TBCK: variants seen among roughly 807,000 people sequenced by gnomAD.
TBCK encodes TBC domain-containing protein kinase-like protein.
Under a neutral mutation model 113.4 loss-of-function variants are expected in TBCK, and 99 were observed. The ratio of observed to expected loss-of-function variants is 0.87; its 90% CI spans 0.74 to 1.03. The LOEUF (loss-of-function observed/expected upper bound fraction) is 1.03, where lower values mean the gene tolerates loss of function less well. Ranked by LOEUF, TBCK falls within the 50% of genes least tolerant of loss-of-function variation. TBCK has a pLI of 0.00. For synonymous variants in TBCK, 369 were observed against 370.8 expected, an observed-to-expected ratio of 1.00 and a Z score of 0.05; for missense variants, 1,045 against 1,061.3, an observed-to-expected ratio of 0.98 and a Z score of 0.21.
At chr4:106,110,929 C>T (rs1350554519) in intron 24 of TBCK, among the ~76,000 whole-genome samples, 2 of 151,830 alleles carry the variant, frequency 1.3e-5, no homozygotes, top group African/African-American at 2.4e-5. Flanking sequence ...ATGGGGAGCT[C>T]TTAGCCTGCC....
intron 23 of TBCK, among the ~76,000 whole-genome samples, chr4:106,140,815 A>G (rs1431440061): frequency 7.2e-6 from 1 of 139,206 alleles, no homozygotes; most frequent in Non-Finnish European, 1.6e-5. Flanking sequence ...CTTTAAATAT[A>G]CCCTTGACTT....
At chr4:106,204,206 C>T (rs1420157382) in intron 20 of TBCK, among the ~76,000 whole-genome samples, 2 of 152,062 alleles carry the variant, frequency 1.3e-5, no homozygotes, top group Non-Finnish European at 2.9e-5. Context: ...TTATAATCTA[C>T]ATCAATGGTA....
chr4:106,077,037 GT>G (rs1480437144), intron 25 of TBCK, among the ~76,000 whole-genome samples: 1 of 152,122 alleles, frequency 6.6e-6, no homozygotes. Flanking sequence ...GGATGCAGAG[GT>G]TGCAGTGAGC....
In TBCK at chr4:106,230,364, T is replaced by C. The variant is rs752110714; in HGVS notation, c.1773A>G (p.Gln591=). 45 of 1,573,028 alleles carry C rather than the reference T, an allele frequency of 2.9e-5. No homozygotes were observed. Among genetic ancestry groups the C allele is most frequent in the East Asian group, 2.0e-4 (9 of 44,342 alleles). ...AAGACATGGAAGACATTTGCTTACCTTGTATTACATGTGAGTTGTCTTTTA... is the reference window on the plus strand; with the variant it reads ...AAGACATGGAAGACATTTGCTTACCCTGTATTACATGTGAGTTGTCTTTTA... ...FFLKDNSHVI[Q]EYLTVFSQMI... Residue 591 remains glutamine, a splice_region_variant and synonymous_variant, in exon 19 of 26, where the codon CAA becomes CAG. Coordinates refer to ENST00000394708, the MANE Select transcript of TBCK (RefSeq NM_001163435.3).
Position 106,308,990 on chromosome 4 carries a change from C to A in TBCK, c.-29-1G>T. ...GGAGTCCTAGGTCTTCTAAGATAAT[C>A]TGGAAAAGGAGAGAATTTTAGGACA... is the stretch of plus-strand genomic sequence containing the variant. On this transcript the variant is annotated splice_acceptor_variant, in intron 1 of 25. Transcript: ENST00000394708. LOFTEE classifies it low-confidence loss of function (5UTR_SPLICE). 6.3e-7 allele frequency: 1 copy of A among 1,583,908 alleles called. No individual in the cohort carries two copies. Among genetic ancestry groups the A allele is most frequent in the Non-Finnish European group, 8.6e-7 (1 of 1,164,350 alleles).
At chr4:106,312,805 T>C (rs898995683) in intron 1 of TBCK, among the ~76,000 whole-genome samples, 7 of 152,168 alleles carry the variant, frequency 4.6e-5, no homozygotes, top group African/African-American at 1.4e-4. Context: ...ATAAAGTTTA[T>C]GAAAGAAGCA....
At chr4:106,113,368 C>T (rs981307420) in intron 24 of TBCK, among the ~76,000 whole-genome samples, 9 of 152,174 alleles carry the variant, frequency 5.9e-5, no homozygotes, top group African/African-American at 1.7e-4. Context: ...GCCTTATTTA[C>T]CCTTAATTTT....
chr4:106,293,553 A>G (rs1313824649), intron 3 of TBCK, among the ~76,000 whole-genome samples: 1 of 152,182 alleles, frequency 6.6e-6, no homozygotes, highest in Non-Finnish European at 1.5e-5. Flanking sequence ...TCCATGGAAA[A>G]CCTGTCTTCC....
In TBCK at chr4:106,137,226, G is replaced by T. The variant is rs1251509902; in HGVS notation, c.2236-20848C>A. On this transcript the variant is annotated intron_variant, in intron 23 of 25. Coordinates refer to ENST00000394708, the MANE Select transcript of TBCK (RefSeq NM_001163435.3). ...TATGAGAAAGGATAAACAATTTAAA[G>T]AAAAAAGAAAAAAAATTGACAAATA... Among the ~76,000 whole-genome samples the T allele has an allele frequency of 1.4e-5, 2 of 138,938 alleles. 1 individual carries two copies. The highest frequency in any genetic ancestry group is 3.3e-5 in the Non-Finnish European group (2 of 61,220). 91.1% of individuals were successfully genotyped at this position (138,938 alleles called of 152,430 possible).
intron 23 of TBCK, among the ~76,000 whole-genome samples, chr4:106,162,291 C>T (rs1049705354): frequency 3.3e-5 from 5 of 152,300 alleles, no homozygotes; most frequent in East Asian, 1.9e-4. Context: ...TGGGCAGCCC[C>T]GCCTCTGTGG....
At chr4:106,316,535 T>G, upstream of TBCK, 1 of 1,551,596 alleles carries the variant, frequency 6.4e-7, no homozygotes, top group Non-Finnish European at 8.7e-7. Context: ...AGTACGCGGG[T>G]GGCTGGACCT....
At chr4:106,117,665 T>G (rs908875445) in intron 23 of TBCK, among the ~76,000 whole-genome samples, 4 of 152,146 alleles carry the variant, frequency 2.6e-5, no homozygotes, top group African/African-American at 9.7e-5. Context: ...CAACATAAAT[T>G]TATTGAGCAC....
At chr4:106,197,498 C>T (rs1292156662) in intron 20 of TBCK, among the ~76,000 whole-genome samples, 1 of 148,260 alleles carries the variant, frequency 6.7e-6, no homozygotes, top group Admixed American at 6.8e-5. Context: ...TCATAAAATG[C>T]CAAGAAGAGT....
intron 25 of TBCK, among the ~76,000 whole-genome samples, chr4:106,094,966 A>T (rs1392714285): frequency 6.6e-6 from 1 of 152,166 alleles, no homozygotes; most frequent in Non-Finnish European, 1.5e-5. Context: ...TTTGGCCTTC[A>T]TATGCTACTC....
At chr4:106,192,080 A>AT (rs1434827653) in intron 22 of TBCK, among the ~76,000 whole-genome samples, 1 of 152,120 alleles carries the variant, frequency 6.6e-6, no homozygotes, top group Non-Finnish European at 1.5e-5. Flanking sequence ...ACATAGAATA[A>AT]TTTTTCCTAT....
Position 106,288,798 on chromosome 4 carries a change from T to G in TBCK, c.266+6296A>C, listed in dbSNP as rs907868795. Among the ~76,000 whole-genome samples the G allele has an allele frequency of 5.9e-5, 9 of 152,224 alleles. No individual in the cohort carries two copies. The East Asian group carries it at 7.7e-4, about 13-fold the overall frequency. On this transcript the variant is annotated intron_variant, in intron 3 of 25. Transcript: ENST00000394708. Reference sequence around the variant, plus strand: ...AAATGTTCCAAAATCCAAAATTTTTTGGGCAACAATATGATACCACAAGTA... The same window carrying G: ...AAATGTTCCAAAATCCAAAATTTTTGGGGCAACAATATGATACCACAAGTA...
intron 23 of TBCK, among the ~76,000 whole-genome samples, chr4:106,138,230 G>C (rs967043402): frequency 1.6e-4 from 22 of 140,880 alleles, no homozygotes; most frequent in African/African-American, 5.2e-4. Flanking sequence ...TAATCTCATG[G>C]GACCACGGTC....
chr4:106,254,846 A>G (rs1761813558), intron 5 of TBCK: 2 of 152,156 alleles, frequency 1.3e-5, no homozygotes, highest in Admixed American at 1.3e-4. Context: ...AATTTGCCTA[A>G]GAGTATACTA....
At chr4:106,124,031 C>T (rs1744815400) in intron 23 of TBCK, among the ~76,000 whole-genome samples, 1 of 151,050 alleles carries the variant, frequency 6.6e-6, no homozygotes, top group South Asian at 2.1e-4. Context: ...AGCTTCTGCA[C>T]AGCAAAAGAA....
Sources: allele counts gnomAD v4.1 joint callset (sites outside exome capture counted in the v4.1 genomes callset), GRCh38; gene constraint gnomAD v4.1.1; transcripts MANE v1.5; gene names NCBI Gene and HGNC (gene_info 2026-07-23, HGNC 2026-07-21).